The following ANKS1B variants were observed in gnomAD, a reference collection of about 807,000 sequenced individuals.
The protein encoded by ANKS1B is ankyrin repeat and sterile alpha motif domain containing 1B, also known as ankyrin repeat and sterile alpha motif domain-containing protein 1B.
Under a neutral mutation model 148.3 loss-of-function variants are expected in ANKS1B, and 36 were observed. That is an observed-to-expected ratio of 0.24 (90% CI 0.19 to 0.32). The LOEUF (loss-of-function observed/expected upper bound fraction) is 0.32. ANKS1B is among the 10% of genes least tolerant of loss of function. The pLI is 1.00. For synonymous variants in ANKS1B, 542 were observed against 560.8 expected (o/e 0.97, Z 0.47); for missense variants, 1,157 against 1,542.6 (o/e 0.75, Z 4.19).
rs2092175751 is a variant in ANKS1B, at chr12:99,877,325, C to T, written c.135-51936G>A. ...CATTCCAATGGCTCTAAAGCCATTT[C>T]TAAATACCATTTTTCTTATAGTCAA... On this transcript the variant is annotated intron_variant, in intron 1 of 26. Transcript: ENST00000683438. Among the ~76,000 whole-genome samples the T allele has an allele frequency of 2.6e-5, 4 of 152,200 alleles. No individual in the cohort carries two copies. The South Asian group carries it at 8.3e-4, about 32-fold the overall frequency.
At chr12:99,694,065 C>A (rs966198849) in intron 8 of ANKS1B, among the ~76,000 whole-genome samples, 2 of 150,080 alleles carry the variant, frequency 1.3e-5, no homozygotes, top group Admixed American at 6.6e-5. Context: ...AGGCGTGAGC[C>A]ACCATGCCCA....
chr12:99,487,299 C>T (rs1041947704), intron 10 of ANKS1B, among the ~76,000 whole-genome samples: 1 of 152,072 alleles, frequency 6.6e-6, no homozygotes, highest in African/African-American at 2.4e-5. Flanking sequence ...TGAAATATAC[C>T]TCTTACTATT....
At chr12:99,936,379 G>A (rs1423975123) in intron 1 of ANKS1B, among the ~76,000 whole-genome samples, 1 of 152,168 alleles carries the variant, frequency 6.6e-6, no homozygotes, top group Non-Finnish European at 1.5e-5. Context: ...AGGCACAGTG[G>A]CTCACACCTG....
rs560148453 is a variant in ANKS1B, at chr12:99,417,466, TTGAAACTGG to T, written c.1576-17664_1576-17656del. On this transcript the variant is annotated intron_variant, in intron 11 of 26. Coordinates refer to ENST00000683438, the MANE Select transcript of ANKS1B (RefSeq NM_001352186.2). Reference sequence around the variant, plus strand: ...AAGTACTGTAGCTATAAAATAAATCTTGAAACTGGGTAGACTGATTCCTCCCACTTTTTT... The same window carrying T: ...AAGTACTGTAGCTATAAAATAAATCTGTAGACTGATTCCTCCCACTTTTTT... Among the ~76,000 whole-genome samples the T allele has an allele frequency of 1.5e-4, 23 of 152,344 alleles. No homozygotes were observed. In the East Asian group the frequency reaches 4.2e-3, roughly 28 times the overall value.
intron 12 of ANKS1B, among the ~76,000 whole-genome samples, chr12:99,313,506 C>A (rs900305322): frequency 1.3e-5 from 2 of 152,080 alleles, no homozygotes; most frequent in African/African-American, 4.8e-5. Flanking sequence ...AAGATCAATG[C>A]AAAAATCCTC....
At chr12:99,700,457 A>C (rs77379707) in intron 8 of ANKS1B, among the ~76,000 whole-genome samples, 3,363 of 152,284 alleles carry the variant, frequency 0.022, 133 homozygotes, top group African/African-American at 0.076. Context: ...CTAAGGATTT[A>C]TTACACACTG....
intron 15 of ANKS1B, among the ~76,000 whole-genome samples, chr12:99,124,078 G>T (rs1375816878): frequency 6.6e-6 from 1 of 152,140 alleles, no homozygotes; most frequent in East Asian, 1.9e-4. Context: ...AGTGAGACAG[G>T]AAACGAATGC....
intron 17 of ANKS1B, 119 bp from the exon 18 acceptor site, chr12:98,832,255 G>A (rs767867341): frequency 1.1e-5 from 8 of 761,762 alleles, no homozygotes; most frequent in Non-Finnish European, 1.7e-5. Context: ...CATGAGATGT[G>A]GTGTCACTTC....
chr12:99,343,113 A>G (rs2090166339), intron 12 of ANKS1B, among the ~76,000 whole-genome samples: 1 of 152,064 alleles, frequency 6.6e-6, no homozygotes, highest in African/African-American at 2.4e-5. Context: ...TCAAAGATTT[A>G]CATTATGTAT....
intron 9 of ANKS1B, among the ~76,000 whole-genome samples, chr12:99,651,532 A>C (rs1183799513): frequency 6.6e-6 from 1 of 152,174 alleles, no homozygotes; most frequent in African/African-American, 2.4e-5. Flanking sequence ...TCCCTTGATA[A>C]TCATAGAAGG....
chr12:99,737,282 A>T (rs1415297579), intron 8 of ANKS1B, among the ~76,000 whole-genome samples: 3 of 152,262 alleles, frequency 2.0e-5, no homozygotes, highest in African/African-American at 7.2e-5. Context: ...CATGGAATCA[A>T]CTTAAGTGCC....
intron 9 of ANKS1B, among the ~76,000 whole-genome samples, chr12:99,573,732 A>G (rs908796309): frequency 3.1e-4 from 47 of 151,988 alleles, no homozygotes; most frequent in Admixed American, 9.2e-4. Context: ...TAGAAAAAAA[A>G]TCCTCACTCT....
At chr12:99,659,385 G>C (rs2098465022) in intron 8 of ANKS1B, among the ~76,000 whole-genome samples, 1 of 135,774 alleles carries the variant, frequency 7.4e-6, no homozygotes, top group Non-Finnish European at 1.5e-5. Flanking sequence ...GTTCCAGAAA[G>C]ATGTGAAAAT....
chr12:99,574,619 T>A (rs2097497755), intron 9 of ANKS1B, among the ~76,000 whole-genome samples: 2 of 152,052 alleles, frequency 1.3e-5, no homozygotes, highest in Non-Finnish European at 2.9e-5. Flanking sequence ...GAATGCAAGG[T>A]TGAGTTAACA....
At chr12:99,159,499 T>A (rs2076417376) in intron 14 of ANKS1B, among the ~76,000 whole-genome samples, 1 of 152,218 alleles carries the variant, frequency 6.6e-6, no homozygotes, top group African/African-American at 2.4e-5. Context: ...TGTTCCTGCA[T>A]TAATTTCCTT....
At chr12:98,745,880 A>G (rs375249802) in intron 26 of ANKS1B, 31 bp from the exon 27 acceptor site, 5 of 1,593,282 alleles carry the variant, frequency 3.1e-6, no homozygotes, top group Non-Finnish European at 4.3e-6. Context: ...TGCCTGTTAT[A>G]CGGTCGCCGC....
At chr12:98,940,424 C>T (rs1275196673) in intron 17 of ANKS1B, among the ~76,000 whole-genome samples, 1 of 152,170 alleles carries the variant, frequency 6.6e-6, no homozygotes, top group Non-Finnish European at 1.5e-5. Flanking sequence ...CTATCTCTAA[C>T]CTAGGCATCT....
chr12:99,349,543 T>A (rs1394512599), intron 12 of ANKS1B, among the ~76,000 whole-genome samples: 1 of 151,936 alleles, frequency 6.6e-6, no homozygotes, highest in Non-Finnish European at 1.5e-5. Flanking sequence ...ACTAATATCA[T>A]ACAAAATGTA....
chr12:99,651,514 C>T (rs1342924910), intron 9 of ANKS1B, among the ~76,000 whole-genome samples: 1 of 152,166 alleles, frequency 6.6e-6, no homozygotes, highest in African/African-American at 2.4e-5. Flanking sequence ...ATGCTTACCA[C>T]ATTGTAGTCC....
Sources: gnomAD v4.1 joint callset for allele counts (sites outside exome capture counted in the v4.1 genomes callset) on GRCh38, gnomAD v4.1.1 for gene constraint, MANE v1.5 for transcripts, NCBI Gene and HGNC (gene_info 2026-07-23, HGNC 2026-07-21) for gene names.